ZNF280D: variants seen among roughly 807,000 people sequenced by gnomAD.
ZNF280D encodes the protein suppressor of hairy wing homolog 4.
ZNF280D carries 39 observed loss-of-function variants against 94.7 expected under a neutral mutation model. The ratio of observed to expected loss-of-function variants is 0.41; its 90% CI spans 0.32 to 0.54. The LOEUF (loss-of-function observed/expected upper bound fraction) is 0.54. ZNF280D is among the 20% of genes least tolerant of loss of function. The pLI is 0.22. For synonymous variants in ZNF280D, 398 were observed against 377.6 expected, an observed-to-expected ratio of 1.05 and a Z score of -0.63; for missense variants, 1,090 against 1,149.3, an observed-to-expected ratio of 0.95 and a Z score of 0.75.
intron 16 of ZNF280D, among the ~76,000 whole-genome samples, chr15:56,662,127 C>T (rs1447155581): frequency 6.6e-6 from 1 of 152,050 alleles, no homozygotes; most frequent in East Asian, 1.9e-4. Context: ...TAACTTAATT[C>T]TCTTTTATGT....
Position 56,682,386 on chromosome 15 carries a change from T to C in ZNF280D, c.872A>G (p.Glu291Gly), listed in dbSNP as rs202132560. ...TVNKNTTIDS[E>G]KGKLIMLVND... is the part of the protein sequence containing the mutation. ...AACTAACATGATCAATTTTCCTTTC[T>C]CTGAATCAATAGTTGTGTTTTTATT... is the stretch of plus-strand genomic sequence containing the variant. The change falls in exon 10 of 22, where the codon GAG becomes GGG. Residue 291 changes from glutamate to glycine, a missense_variant. By Grantham distance (98) the Glu-to-Gly change is moderately conservative. Transcript: ENST00000267807. The C allele has an allele frequency of 1.3e-6, 2 of 1,591,840 alleles. No homozygotes were observed. Among genetic ancestry groups the C allele is most frequent in the East Asian group, 4.5e-5 (2 of 44,178 alleles).
intron 6 of ZNF280D, 67 bp from the exon 7 acceptor site, chr15:56,693,282 T>C: frequency 2.2e-6 from 1 of 453,940 alleles, no homozygotes; most frequent in Non-Finnish European, 3.4e-6. Flanking sequence ...AATATAATTA[T>C]ATATTATGTA....
intron 13 of ZNF280D, among the ~76,000 whole-genome samples, chr15:56,675,267 G>A (rs1381735297): frequency 6.6e-6 from 1 of 151,924 alleles, no homozygotes; most frequent in Non-Finnish European, 1.5e-5. Flanking sequence ...GTTTGACAAA[G>A]CACCTGGGAA....
intron 1 of ZNF280D, chr15:56,729,766 A>G (rs764248271): frequency 2.0e-5 from 3 of 152,164 alleles, no homozygotes; most frequent in Non-Finnish European, 4.4e-5. Context: ...TCTAACCACA[A>G]TGATTTCTGC....
At chr15:56,646,164 C>G (rs1454121602) in intron 19 of ZNF280D, among the ~76,000 whole-genome samples, 1 of 152,146 alleles carries the variant, frequency 6.6e-6, no homozygotes, top group Non-Finnish European at 1.5e-5. Context: ...TGCCACATGC[C>G]TGTAATCCCA....
At chr15:56,726,997 A>AC (rs1201276028) in intron 1 of ZNF280D, among the ~76,000 whole-genome samples, 2 of 151,930 alleles carry the variant, frequency 1.3e-5, no homozygotes, top group South Asian at 2.1e-4. Context: ...TACTATTTTA[A>AC]CCCCCCCAAA....
intron 17 of ZNF280D, among the ~76,000 whole-genome samples, chr15:56,657,536 G>A (rs1421370102): frequency 6.6e-6 from 1 of 152,036 alleles, no homozygotes. Context: ...TTCAGCAAGA[G>A]AACAATGGCT....
At chr15:56,652,195 A>G (rs1262473964) in intron 19 of ZNF280D, among the ~76,000 whole-genome samples, 1 of 152,168 alleles carries the variant, frequency 6.6e-6, no homozygotes, top group Non-Finnish European at 1.5e-5. Flanking sequence ...TGCAAGAAAC[A>G]CGTCATATAA....
intron 19 of ZNF280D, 150 bp downstream of exon 19, chr15:56,654,048 A>G: frequency 6.7e-7 from 1 of 1,497,918 alleles, no homozygotes; most frequent in Non-Finnish European, 8.9e-7. Context: ...TCCATAGAGC[A>G]GGAACCTATT....
In ZNF280D at chr15:56,678,007, C is replaced by CT. The variant is rs1198357496; in HGVS notation, c.1163-334dup. ...TGCTCCAACATCTGTAATTTTCTTT[C>CT]TTTTTTTTTTTTTTTTTGGAGACAG... On this transcript the variant is annotated intron_variant, in intron 11 of 21. Coordinates refer to ENST00000267807, the MANE Select transcript of ZNF280D (RefSeq NM_017661.4). Among the ~76,000 whole-genome samples, 930 of 137,150 alleles carry CT rather than the reference C, an allele frequency of 6.8e-3. 14 individuals are homozygous for CT. Among genetic ancestry groups the CT allele is most frequent in the African/African-American group, 0.017 (638 of 37,726 alleles). 90.0% of individuals were successfully genotyped at this position (137,150 alleles called of 152,430 possible).
At chr15:56,669,967 T>TA (rs1566961119) in intron 13 of ZNF280D, among the ~76,000 whole-genome samples, 1,398 of 4,236 alleles carry the variant, frequency 0.33, 585 homozygotes, top group Admixed American at 0.8. Flanking sequence ...ATATATTATA[T>TA]ATATATAATA....
At chr15:56,703,296 T>C (rs1159296796) in intron 4 of ZNF280D, among the ~76,000 whole-genome samples, 1 of 152,106 alleles carries the variant, frequency 6.6e-6, no homozygotes, top group African/African-American at 2.4e-5. Context: ...CTTTCATGAA[T>C]ATAAAAAGGA....
chr15:56,682,947 T>C (rs1298914365), intron 9 of ZNF280D, among the ~76,000 whole-genome samples: 2 of 152,050 alleles, frequency 1.3e-5, no homozygotes, highest in African/African-American at 4.8e-5. Flanking sequence ...TTATATAATA[T>C]AGAATAGGCT....
chr15:56,709,452 G>C (rs192522273), intron 1 of ZNF280D, among the ~76,000 whole-genome samples: 1 of 152,112 alleles, frequency 6.6e-6, no homozygotes, highest in East Asian at 1.9e-4. Flanking sequence ...ACAGTGTGGC[G>C]ATTCCTCAAG....
chr15:56,663,264 G>A (rs1256315161), intron 16 of ZNF280D, among the ~76,000 whole-genome samples: 1 of 131,280 alleles, frequency 7.6e-6, no homozygotes, highest in African/African-American at 2.8e-5. Flanking sequence ...AGCCTGGGTT[G>A]GAGTGAGACC....
chr15:56,666,794 G>T lies in ZNF280D; in HGVS notation c.1738C>A (p.Pro580Thr). ...SNASKPNTSKPNGSKSKYKPK... is the reference protein window; with the variant it reads ...SNASKPNTSKTNGSKSKYKPK... ...TTGTATTTAGATTTACTTCCATTAG[G>T]CTTACTTGTATTAGGTTTACTTGCG... The change falls in exon 15 of 22, where the codon CCT becomes ACT. Residue 580 changes from proline to threonine, a missense_variant. Coordinates refer to ENST00000267807, the MANE Select transcript of ZNF280D (RefSeq NM_017661.4). 6.2e-7 allele frequency: 1 copy of T among 1,613,616 alleles called. No homozygotes were observed. The highest frequency in any genetic ancestry group is 2.2e-5 in the East Asian group (1 of 44,812).
chr15:56,651,917 A>T (rs918264604), intron 19 of ZNF280D, among the ~76,000 whole-genome samples: 2 of 152,166 alleles, frequency 1.3e-5, no homozygotes, highest in Admixed American at 6.6e-5. Context: ...TTGACCTATG[A>T]CCAAGGTAAG....
At chr15:56,702,595 T>A (rs1249218047) in intron 4 of ZNF280D, among the ~76,000 whole-genome samples, 4 of 152,156 alleles carry the variant, frequency 2.6e-5, no homozygotes, top group African/African-American at 9.7e-5. Context: ...ATGTTTTCAA[T>A]AAGAGTTTGA....
intron 1 of ZNF280D, among the ~76,000 whole-genome samples, chr15:56,722,071 G>A (rs898968241): frequency 1.3e-5 from 2 of 152,084 alleles, no homozygotes; most frequent in Non-Finnish European, 2.9e-5. Context: ...TATGTCTCAG[G>A]GAATAAGGAA....
Sources: allele counts gnomAD v4.1 joint callset (sites outside exome capture counted in the v4.1 genomes callset), GRCh38; gene constraint gnomAD v4.1.1; transcripts MANE v1.5; gene names NCBI Gene and HGNC (gene_info 2026-07-23, HGNC 2026-07-21).